Variants in ZNF138 observed in about 807,000 individuals in gnomAD.
ZNF138 encodes the protein zinc finger protein 138, also known as zinc finger protein 138 (clone pHZ-32).
Under a neutral mutation model 33.0 loss-of-function variants are expected in ZNF138, and 33 were observed. That is an observed-to-expected ratio of 1.00 (90% CI 0.76 to 1.34). ZNF138 has a LOEUF of 1.34. Among genes scored for constraint, ZNF138 ranks in the 40% most tolerant of loss-of-function variants. The pLI, the probability that ZNF138 is intolerant of heterozygous loss-of-function variation, is 0.00. For missense variants in ZNF138, 360 were observed against 370.8 expected (o/e 0.97, Z 0.24); for synonymous variants, 139 against 120.4 (o/e 1.15, Z -1.01).
intron 1 of ZNF138, among the ~76,000 whole-genome samples, chr7:64,811,279 A>G (rs947121112): frequency 2.5e-4 from 38 of 152,256 alleles, no homozygotes; most frequent in African/African-American, 9.2e-4. Flanking sequence ...AGTGCTCTGT[A>G]ACAGTCCCTT....
At chr7:64,829,168 G>A (rs201412372) in intron 3 of ZNF138, among the ~76,000 whole-genome samples, 20 of 152,040 alleles carry the variant, frequency 1.3e-4, no homozygotes, top group Admixed American at 8.5e-4. Context: ...AGGAGAGTGT[G>A]TATCATTAAT....
intron 3 of ZNF138, among the ~76,000 whole-genome samples, chr7:64,820,797 C>G (rs1478475177): frequency 6.6e-6 from 1 of 151,556 alleles, no homozygotes; most frequent in Admixed American, 6.6e-5. Context: ...GTCCTGATCT[C>G]AAGTGATCTG....
Position 64,814,326 on chromosome 7 carries a change from G to A in ZNF138, c.4-592G>A, listed in dbSNP as rs182866356. Among the ~76,000 whole-genome samples, 520 of 152,262 alleles carry A rather than the reference G, an allele frequency of 3.4e-3. 8 individuals are homozygous for A. The highest frequency in any genetic ancestry group is 0.012 in the African/African-American group (501 of 41,548). ...ACTTATTCTGTATGATGCACATATA[G>A]CACTCAGAAATGGACATGTTTGTGT... On this transcript the variant is annotated intron_variant, in intron 1 of 3. Transcript: ENST00000307355.
At chr7:64,802,543 CATA>C (rs1294925755) in intron 1 of ZNF138, among the ~76,000 whole-genome samples, 1 of 151,574 alleles carries the variant, frequency 6.6e-6, no homozygotes, top group African/African-American at 2.4e-5. Context: ...TTTCTTGTCT[CATA>C]ATGTTACGCC....
intron 3 of ZNF138, among the ~76,000 whole-genome samples, chr7:64,822,578 G>T (rs866416697): frequency 2.0e-5 from 3 of 149,434 alleles, no homozygotes; most frequent in African/African-American, 7.7e-5. Context: ...TGGCAACTTT[G>T]TGGAAGATCA....
chr7:64,853,078 G>A, the ZNF138 span: 29 of 1,419,290 alleles, frequency 2.0e-5, no homozygotes, highest in Admixed American at 3.3e-5. Flanking sequence ...CGTAAGAGTC[G>A]TCTACAATTG....
chr7:64,797,778 A>AT (rs1197071574), intron 1 of ZNF138, among the ~76,000 whole-genome samples: 1 of 152,204 alleles, frequency 6.6e-6, no homozygotes, highest in Non-Finnish European at 1.5e-5. Flanking sequence ...TTTTTAAAAA[A>AT]TTCTAAAATA....
chr7:64,839,767 C>A, the ZNF138 span, among the ~76,000 whole-genome samples: 2 of 152,088 alleles, frequency 1.3e-5, no homozygotes, highest in Admixed American at 6.5e-5. Context: ...TCTTCCCGAG[C>A]CTCTGGGGGG....
At chr7:64,802,466 C>G (rs1562887626) in intron 1 of ZNF138, among the ~76,000 whole-genome samples, 3 of 152,060 alleles carry the variant, frequency 2.0e-5, no homozygotes, top group South Asian at 2.1e-4. Flanking sequence ...CCACAAGAGA[C>G]TTTTGCAGGG....
chr7:64,844,016 G>T, the ZNF138 span, among the ~76,000 whole-genome samples: 12 of 152,140 alleles, frequency 7.9e-5, no homozygotes, highest in Middle Eastern at 3.4e-3. Context: ...TAGACACAGG[G>T]TTTCACCATG....
intron 3 of ZNF138, among the ~76,000 whole-genome samples, chr7:64,824,356 C>A (rs1789404777): frequency 6.6e-6 from 1 of 152,166 alleles, no homozygotes. Context: ...GAGGCTCTCA[C>A]CAGAAGCAGA....
At chr7:64,848,756 G>C in the ZNF138 span, among the ~76,000 whole-genome samples, 6 of 144,844 alleles carry the variant, frequency 4.1e-5, no homozygotes, top group Admixed American at 1.4e-4. Context: ...CCAGGCTGGA[G>C]TGCTGTGGCA....
At position 64,819,320 on chromosome 7, in the gene ZNF138, T is replaced by C. The variant is rs77990942; in HGVS notation, c.208+3667T>C. Among the ~76,000 whole-genome samples, 144 of 152,068 alleles carry C rather than the reference T, an allele frequency of 9.5e-4. 5 individuals are homozygous for C. The East Asian group carries it at 0.027, about 29-fold the overall frequency. ...CATGAGTTTTATAATGAATATATATTTCCTTGTGTGAGAGAAACACTTTTG... is the reference window on the plus strand; with the variant it reads ...CATGAGTTTTATAATGAATATATATCTCCTTGTGTGAGAGAAACACTTTTG... On this transcript the variant is annotated intron_variant, in intron 3 of 3. Transcript: ENST00000307355.
the ZNF138 span, among the ~76,000 whole-genome samples, chr7:64,854,359 G>A: frequency 2.0e-5 from 3 of 152,130 alleles, no homozygotes; most frequent in African/African-American, 7.2e-5. Context: ...TCCTGCCTCA[G>A]CCTGCGAAGC....
intron 1 of ZNF138, 88 bp downstream of exon 1, chr7:64,794,659 C>T (rs765574087): frequency 1.9e-6 from 3 of 1,589,944 alleles, no homozygotes; most frequent in Admixed American, 3.4e-5. Context: ...CTCGGGTCTT[C>T]CCGCAGTCGG....
At chr7:64,823,657 C>A (rs748502733) in intron 3 of ZNF138, among the ~76,000 whole-genome samples, 1 of 152,194 alleles carries the variant, frequency 6.6e-6, no homozygotes. Context: ...TTTAATGAGG[C>A]AGCTGGGCGC....
intron 3 of ZNF138, among the ~76,000 whole-genome samples, chr7:64,828,330 A>T (rs956935890): frequency 6.6e-6 from 1 of 152,106 alleles, no homozygotes; most frequent in Non-Finnish European, 1.5e-5. Context: ...ATCTCACTAC[A>T]CATTAAACAA....
chr7:64,828,298 T>A (rs1789809996), intron 3 of ZNF138, among the ~76,000 whole-genome samples: 1 of 152,136 alleles, frequency 6.6e-6, no homozygotes, highest in Non-Finnish European at 1.5e-5. Flanking sequence ...ATCCCTAGGA[T>A]GTTTTTACCT....
rs759917275 is a variant in ZNF138 at position 64,831,455 on chromosome 7, G to C, written c.213G>C (p.Leu71=). The C allele has an allele frequency of 6.5e-7, 1 of 1,548,356 alleles. No individual in the cohort carries two copies. The highest frequency in any genetic ancestry group is 8.7e-7 in the Non-Finnish European group (1 of 1,153,322). The change falls in exon 4 of 4, where the codon CTG becomes CTC. Residue 71 remains leucine (L), a synonymous_variant. Coordinates refer to ENST00000307355, the MANE Select transcript of ZNF138 (RefSeq NM_001271639.2). ...HEMVVAKHSA[L]CSRFAQDLWL... ...GTTATTTTTTGTTTCTTTCAGCTCT[G>C]TGTTCTCGTTTTGCCCAAGACCTTT...
Sources: allele counts gnomAD v4.1 joint callset (sites outside exome capture counted in the v4.1 genomes callset), GRCh38; gene constraint gnomAD v4.1.1; transcripts MANE v1.5; gene names NCBI Gene and HGNC (gene_info 2026-07-23, HGNC 2026-07-21).